The following ZC2HC1B variants were observed in gnomAD, a reference collection of about 807,000 sequenced individuals.
ZC2HC1B encodes the protein zinc finger C2HC-type containing 1B.
ZC2HC1B carries 36 observed loss-of-function variants against 31.0 expected under a neutral mutation model. The observed-to-expected ratio is 1.16, with a 90% CI of 0.89 to 1.54. The LOEUF is 1.54. Among genes scored for constraint, ZC2HC1B ranks in the 40% most tolerant of loss-of-function variants. ZC2HC1B has a pLI of 0.00. For synonymous variants in ZC2HC1B, 73 were observed against 88.0 expected (o/e 0.83, Z 0.95); for missense variants, 260 against 268.6 (o/e 0.97, Z 0.22).
At position 143,865,467 on chromosome 6, in the gene ZC2HC1B, G is replaced by A. The variant is rs1777246657; in HGVS notation, c.28+900G>A. ...TCACTATAGGCTATTCCCTGAGCTT[G>A]TATTTAAAAATCCTGCACGCATCCC... On this transcript the variant is annotated intron_variant, in intron 1 of 7. Coordinates refer to ENST00000237275, the MANE Select transcript of ZC2HC1B (RefSeq NM_001013623.3). The surrounding 1 kb of genome is among the most constrained non-coding windows in gnomAD (Gnocchi z 4.4). 6.6e-6 allele frequency among the ~76,000 whole-genome samples: 1 copy of A among 152,182 alleles called. No individual in the cohort carries two copies. Among genetic ancestry groups the A allele is most frequent in the Non-Finnish European group, 1.5e-5 (1 of 68,038 alleles).
rs1441345579 is a variant in ZC2HC1B at position 143,899,200 on chromosome 6, TAAC to T, written c.489+513_489+515del. On this transcript the variant is annotated intron_variant, in intron 5 of 7. Transcript: ENST00000237275. This position sits in a 1 kb window ranked among gnomAD's most constrained non-coding sequence, Gnocchi z 5.0. The stretch of plus-strand genomic sequence containing the variant: ...TAACATTAGGTGCAAATCAGTAAAA[TAAC>T]AACCTGAAGTGGAAGACAGTAGATT... Among the ~76,000 whole-genome samples the T allele has an allele frequency of 2.0e-5, 3 of 152,126 alleles. No homozygotes were observed. Among genetic ancestry groups the T allele is most frequent in the Non-Finnish European group, 4.4e-5 (3 of 68,020 alleles).
intron 1 of ZC2HC1B, among the ~76,000 whole-genome samples, chr6:143,866,416 G>A (rs984379724): frequency 6.6e-6 from 1 of 152,232 alleles, no homozygotes; most frequent in South Asian, 2.1e-4. Flanking sequence ...CTGACTGGGA[G>A]CAGTGGCTCA....
intron 6 of ZC2HC1B, among the ~76,000 whole-genome samples, chr6:143,931,231 T>G (rs1033223531): frequency 6.6e-6 from 1 of 152,240 alleles, no homozygotes; most frequent in Non-Finnish European, 1.5e-5. Context: ...AGACAACAGA[T>G]ACTTCATCGG....
chr6:143,905,459 A>G lies in ZC2HC1B; in HGVS notation c.598+2307A>G, dbSNP rs531506257. ...ATTGCTTCTAATAAGTTTTTTGGTGATATCTTTAGGATTTTCTGCTTATAA... is the reference window on the plus strand; with the variant it reads ...ATTGCTTCTAATAAGTTTTTTGGTGGTATCTTTAGGATTTTCTGCTTATAA... On this transcript the variant is annotated intron_variant, in intron 6 of 7. Coordinates refer to ENST00000237275, the MANE Select transcript of ZC2HC1B (RefSeq NM_001013623.3). The surrounding 1 kb of genome is among the most constrained non-coding windows in gnomAD (Gnocchi z 4.2). 6.6e-6 allele frequency among the ~76,000 whole-genome samples: 1 copy of G among 152,222 alleles called. No homozygotes were observed. The highest frequency in any genetic ancestry group is 2.4e-5 in the African/African-American group (1 of 41,556).
intron 1 of ZC2HC1B, among the ~76,000 whole-genome samples, chr6:143,880,236 G>C (rs9484822): frequency 0.025 from 3,843 of 152,172 alleles, 159 homozygotes; most frequent in African/African-American, 0.086. Context: ...AAAAATAATA[G>C]CCACTATAAT....
chr6:143,937,449 T>C (rs888961047), intron 6 of ZC2HC1B, among the ~76,000 whole-genome samples, 200 bp from the exon 7 acceptor site: 1 of 152,018 alleles, frequency 6.6e-6, no homozygotes, highest in Non-Finnish European at 1.5e-5. Flanking sequence ...GCACCTGAGG[T>C]AGCCCCTGTT....
At chr6:143,897,305 T>C (rs964815470) in intron 4 of ZC2HC1B, among the ~76,000 whole-genome samples, 1 of 150,034 alleles carries the variant, frequency 6.7e-6, no homozygotes, top group African/African-American at 2.5e-5. Flanking sequence ...GTTGCTGATA[T>C]CTAGTGTGCT....
intron 6 of ZC2HC1B, among the ~76,000 whole-genome samples, chr6:143,906,330 A>G (rs2128495556): frequency 1.3e-5 from 2 of 152,180 alleles, no homozygotes; most frequent in East Asian, 1.9e-4. Flanking sequence ...ATATTTTTTC[A>G]TAATACTCTC....
chr6:143,866,145 A>C (rs6941262), intron 1 of ZC2HC1B, among the ~76,000 whole-genome samples: 49,215 of 152,098 alleles, frequency 0.32, 8,465 homozygotes, highest in East Asian at 0.53. Context: ...CTGCCCGTGA[A>C]TGGTGTAAAA....
chr6:143,896,948 A>C (rs1397281497), intron 4 of ZC2HC1B, among the ~76,000 whole-genome samples: 2 of 152,104 alleles, frequency 1.3e-5, no homozygotes, highest in East Asian at 3.8e-4. Flanking sequence ...CCCAGGTGTA[A>C]GACAGCACCT....
Position 143,886,571 on chromosome 6 carries a change from T to C in ZC2HC1B, c.211-112T>C. The C allele has an allele frequency of 2.7e-6, 3 of 1,117,806 alleles. No homozygotes were observed. Among genetic ancestry groups the C allele is most frequent in the Non-Finnish European group, 3.5e-6 (3 of 851,258 alleles). 69.2% of individuals were successfully genotyped at this position (1,117,806 alleles called of 1,614,324 possible). On this transcript the variant is annotated intron_variant, in intron 3 of 7. Coordinates refer to ENST00000237275, the MANE Select transcript of ZC2HC1B (RefSeq NM_001013623.3). This position sits in a 1 kb window ranked among gnomAD's most constrained non-coding sequence, Gnocchi z 4.2. ...ACTTTTGAAAAACAAACTCTCCTTT[T>C]CCCCAATTTTCACAGTTCTGTTTCC...
chr6:143,873,890 G>T (rs536375756), intron 1 of ZC2HC1B, among the ~76,000 whole-genome samples: 24 of 152,286 alleles, frequency 1.6e-4, no homozygotes, highest in African/African-American at 5.3e-4. Flanking sequence ...TTTTTCCATG[G>T]TCTTGGGGAT....
rs186282451 is a variant in ZC2HC1B, at chr6:143,868,556, A to G, written c.28+3989A>G. On this transcript the variant is annotated intron_variant, in intron 1 of 7. Transcript: ENST00000237275. This position sits in a 1 kb window ranked among gnomAD's most constrained non-coding sequence, Gnocchi z 4.2. ...GATTAAGGATGAGTCTGCCTTCCCC[A>G]GCCCACTAACTCAAATGTTAATCTC... 1.3e-4 allele frequency among the ~76,000 whole-genome samples: 20 copies of G among 152,066 alleles called. No individual in the cohort carries two copies. The highest frequency in any genetic ancestry group is 4.8e-4 in the African/African-American group (20 of 41,486).
intron 4 of ZC2HC1B, among the ~76,000 whole-genome samples, chr6:143,888,838 CAG>C (rs1777563595): frequency 6.6e-6 from 1 of 151,914 alleles, no homozygotes; most frequent in Non-Finnish European, 1.5e-5. Context: ...TCACCTGAAA[CAG>C]AGATAAGTTT....
At position 143,924,135 on chromosome 6, in the gene ZC2HC1B, G is replaced by A. The variant is rs1039900172; in HGVS notation, c.599-13514G>A. Among the ~76,000 whole-genome samples the A allele has an allele frequency of 2.0e-5, 3 of 151,894 alleles. No homozygotes were observed. The highest frequency in any genetic ancestry group is 4.4e-5 in the Non-Finnish European group (3 of 67,934). On this transcript the variant is annotated intron_variant, in intron 6 of 7. Transcript: ENST00000237275. The surrounding 1 kb of genome is among the most constrained non-coding windows in gnomAD (Gnocchi z 5.2). ...CTTAACATTCTTTCATCAGTGTTTTGAAGTTTTCCTCGTAAGCGTCTTTCA... is the reference window on the plus strand; with the variant it reads ...CTTAACATTCTTTCATCAGTGTTTTAAAGTTTTCCTCGTAAGCGTCTTTCA...
chr6:143,893,111 T>C (rs2128494475), intron 4 of ZC2HC1B, among the ~76,000 whole-genome samples: 1 of 152,148 alleles, frequency 6.6e-6, no homozygotes, highest in East Asian at 1.9e-4. Context: ...TAAAACTCAG[T>C]AATAAGGAGA....
In ZC2HC1B at chr6:143,886,934, T is replaced by A; in HGVS notation, c.349+113T>A. The A allele has an allele frequency of 9.5e-7, 1 of 1,053,274 alleles. No individual in the cohort carries two copies. Among genetic ancestry groups the A allele is most frequent in the Non-Finnish European group, 1.3e-6 (1 of 789,928 alleles). The allele number at this position is 1,053,274 out of a possible 1,614,324, so 65.2% of individuals were successfully genotyped here. A position where few individuals can be genotyped will look rare whatever the true frequency, so the allele number is the denominator to read the frequency against. The stretch of plus-strand genomic sequence containing the variant: ...AACAATTACATAGAAGTAATTTTAT[T>A]AATTATATAAAAGTAAACATCCTAT... On this transcript the variant is annotated intron_variant, in intron 4 of 7. Transcript: ENST00000237275. This position sits in a 1 kb window ranked among gnomAD's most constrained non-coding sequence, Gnocchi z 4.2.
rs1191933489 is a variant in ZC2HC1B, at chr6:143,898,708, A to T, written c.489+17A>T. 7.1e-6 allele frequency: 11 copies of T among 1,551,740 alleles called. No individual in the cohort carries two copies. Among genetic ancestry groups the T allele is most frequent in the Non-Finnish European group, 9.6e-6 (11 of 1,146,926 alleles). Reference sequence around the variant, plus strand: ...AGAGCTCAGGTAACTATCTCTCCCCAGGTGTTGGCTCTTGTGCCCTTGAAT... The same window carrying T: ...AGAGCTCAGGTAACTATCTCTCCCCTGGTGTTGGCTCTTGTGCCCTTGAAT... On this transcript the variant is annotated intron_variant, in intron 5 of 7. Transcript: ENST00000237275.
rs1337308027 is a variant in ZC2HC1B at position 143,933,091 on chromosome 6, G to A, written c.599-4558G>A. On this transcript the variant is annotated intron_variant, in intron 6 of 7. Transcript: ENST00000237275. The surrounding 1 kb of genome is among the most constrained non-coding windows in gnomAD (Gnocchi z 6.4). Reference sequence around the variant, plus strand: ...TGTGAGAGTCCTTGGTTGTAAATATGTTTACTGTGTTGTCTTTCTTGAATG... The same window carrying A: ...TGTGAGAGTCCTTGGTTGTAAATATATTTACTGTGTTGTCTTTCTTGAATG... Among the ~76,000 whole-genome samples, 1 of 152,178 alleles carries A rather than the reference G, an allele frequency of 6.6e-6. No homozygotes were observed. The highest frequency in any genetic ancestry group is 1.5e-5 in the Non-Finnish European group (1 of 68,022).
Sources: gnomAD v4.1 joint callset for allele counts (sites outside exome capture counted in the v4.1 genomes callset) on GRCh38, gnomAD v4.1.1 for gene constraint, Gnocchi (gnomAD v3.1) non-coding constraint, MANE v1.5 for transcripts, NCBI Gene and HGNC (gene_info 2026-07-23, HGNC 2026-07-21) for gene names.